TNNI3K: variants seen among roughly 807,000 people sequenced by gnomAD.
The protein encoded by TNNI3K is serine/threonine-protein kinase TNNI3K.
In TNNI3K, 140 loss-of-function variants were observed where a neutral mutation model predicts 114.5. That is an observed-to-expected ratio of 1.22 (90% CI 1.07 to 1.41). The LOEUF is 1.41. Ranked by LOEUF, TNNI3K falls within the 40% of genes most tolerant of loss-of-function variation. TNNI3K has a pLI of 0.00. For missense variants in TNNI3K, 1,125 were observed against 1,007.6 expected (o/e 1.12, Z -1.58); for synonymous variants, 347 against 347.5 (o/e 1.00, Z 0.02).
At chr1:74,470,770 G>C (rs491922) in intron 21 of TNNI3K, 230,218 of 400,326 alleles carry the variant, frequency 0.58, 66,552 homozygotes, top group East Asian at 0.68. Context: ...GTGTTGTAAG[G>C]CTTCATTTTG....
chr1:74,304,626 A>T (rs1245992929), intron 5 of TNNI3K, among the ~76,000 whole-genome samples: 1 of 151,714 alleles, frequency 6.6e-6, no homozygotes, highest in African/African-American at 2.4e-5. Context: ...TTTTTTTTTT[A>T]TAGAAATGGG....
At position 74,362,595 on chromosome 1, in the gene TNNI3K, C is replaced by T. The variant is rs113675091; in HGVS notation, c.1178-4661C>T. Among the ~76,000 whole-genome samples the T allele has an allele frequency of 1.5e-3, 222 of 152,234 alleles. 2 individuals carry two copies. The highest frequency in any genetic ancestry group is 5.1e-3 in the African/African-American group (210 of 41,566). On this transcript the variant is annotated intron_variant, in intron 11 of 24. Transcript: ENST00000326637. The stretch of plus-strand genomic sequence containing the variant: ...CAACCTTATAGGGAGATAAATTGTA[C>T]TTCCCTTCTTGAATAATTATAAAGC...
At chr1:74,409,184 G>GA (rs1351483649) in intron 17 of TNNI3K, among the ~76,000 whole-genome samples, 1 of 152,120 alleles carries the variant, frequency 6.6e-6, no homozygotes, top group Non-Finnish European at 1.5e-5. Context: ...GAGGTTAAGA[G>GA]AAGTTATATT....
chr1:74,297,089 T>A (rs1658032694), intron 5 of TNNI3K, among the ~76,000 whole-genome samples: 1 of 151,638 alleles, frequency 6.6e-6, no homozygotes, highest in Non-Finnish European at 1.5e-5. Context: ...TGGGACTTGA[T>A]TTTTTTTTAA....
intron 23 of TNNI3K, among the ~76,000 whole-genome samples, 173 bp downstream of exon 23, chr1:74,492,439 ATC>A (rs1219388908): frequency 6.6e-6 from 1 of 152,192 alleles, no homozygotes; most frequent in Non-Finnish European, 1.5e-5. Flanking sequence ...AAATTTTATT[ATC>A]TGTTAGCCTA....
intron 4 of TNNI3K, among the ~76,000 whole-genome samples, chr1:74,253,646 G>A (rs1010916914): frequency 2.6e-5 from 4 of 151,986 alleles, no homozygotes; most frequent in Non-Finnish European, 4.4e-5. Flanking sequence ...GTGCGGGCCC[G>A]CCAAGCCCAC....
chr1:74,325,520 T>A (rs1430304333), intron 5 of TNNI3K, among the ~76,000 whole-genome samples: 1 of 152,178 alleles, frequency 6.6e-6, no homozygotes, highest in Non-Finnish European at 1.5e-5. Flanking sequence ...AGAAAACTTA[T>A]ATTCAAAATG....
At chr1:74,480,200 A>G in intron 21 of TNNI3K, 4 of 717,468 alleles carry the variant, frequency 5.6e-6, no homozygotes, top group South Asian at 3.0e-5. Context: ...TCCTGGGAGG[A>G]GGGGACTTCT....
chr1:74,430,949 T>A (rs1665869260), intron 17 of TNNI3K, among the ~76,000 whole-genome samples: 1 of 152,162 alleles, frequency 6.6e-6, no homozygotes, highest in Non-Finnish European at 1.5e-5. Flanking sequence ...TTGTGAGTTT[T>A]GAGTCAGAAA....
At chr1:74,392,991 AG>A in intron 17 of TNNI3K, among the ~76,000 whole-genome samples, 1 of 152,188 alleles carries the variant, frequency 6.6e-6, no homozygotes, top group East Asian at 1.9e-4. Flanking sequence ...GTGTTCTAAA[AG>A]CACCCCAGGC....
intron 21 of TNNI3K, chr1:74,470,793 T>A: frequency 5.0e-6 from 2 of 400,732 alleles, no homozygotes; most frequent in Non-Finnish European, 8.8e-6. Context: ...CTAAAGTGTA[T>A]TCCTTGTTGT....
At chr1:74,383,298 A>G (rs1038211761) in intron 17 of TNNI3K, among the ~76,000 whole-genome samples, 1 of 151,906 alleles carries the variant, frequency 6.6e-6, no homozygotes, top group African/African-American at 2.4e-5. Context: ...GAGGAAAAAA[A>G]ATAGTTTTTT....
At position 74,509,195 on chromosome 1, in the gene TNNI3K, C is replaced by G. The variant is rs1189635272; in HGVS notation, c.2351+16929C>G. ...CACAGCTTTTCCTTACTTATTTACA[C>G]TACTTGATTGTCAAATTTGACAGTG... On this transcript the variant is annotated intron_variant, in intron 23 of 24. Transcript: ENST00000326637. Among the ~76,000 whole-genome samples the G allele has an allele frequency of 3.3e-5, 5 of 152,200 alleles. No individual in the cohort carries two copies. The South Asian group carries it at 8.3e-4, about 25-fold the overall frequency.
At chr1:74,275,415 A>G (rs1363662186) in intron 5 of TNNI3K, among the ~76,000 whole-genome samples, 2 of 152,148 alleles carry the variant, frequency 1.3e-5, no homozygotes, top group Non-Finnish European at 2.9e-5. Flanking sequence ...TGATTCAATT[A>G]TCTCCCACTT....
At chr1:74,497,635 A>G (rs1440569355) in intron 23 of TNNI3K, among the ~76,000 whole-genome samples, 2 of 151,452 alleles carry the variant, frequency 1.3e-5, no homozygotes, top group African/African-American at 2.4e-5. Context: ...CACACACACA[A>G]TTGAACCCCA....
chr1:74,377,492 CA>C (rs1329707068), intron 17 of TNNI3K, among the ~76,000 whole-genome samples: 19 of 151,910 alleles, frequency 1.3e-4, no homozygotes, highest in African/African-American at 4.3e-4. Flanking sequence ...AAAACAGATA[CA>C]AAAGTTTCAA....
chr1:74,495,077 G>A (rs547030072), intron 23 of TNNI3K, among the ~76,000 whole-genome samples: 1 of 152,254 alleles, frequency 6.6e-6, no homozygotes, highest in South Asian at 2.1e-4. Flanking sequence ...CAGCTTTTTT[G>A]AGATGCTCCT....
chr1:74,349,972 G>T (rs1406056858), intron 9 of TNNI3K, among the ~76,000 whole-genome samples: 2 of 151,942 alleles, frequency 1.3e-5, no homozygotes, highest in African/African-American at 4.8e-5. Context: ...TCCATTTCCT[G>T]CAGTTCTGCT....
At chr1:74,436,176 C>A (rs1666119265) in intron 18 of TNNI3K, 44 bp downstream of exon 18, 2 of 1,602,926 alleles carry the variant, frequency 1.2e-6, no homozygotes, top group South Asian at 2.2e-5. Flanking sequence ...TTGTTCCTAG[C>A]TGGTACAATA....
Sources: allele counts gnomAD v4.1 joint callset (sites outside exome capture counted in the v4.1 genomes callset), GRCh38; gene constraint gnomAD v4.1.1; transcripts MANE v1.5; gene names NCBI Gene and HGNC (gene_info 2026-07-23, HGNC 2026-07-21).